The following DDO variants were observed in gnomAD, a reference collection of about 807,000 sequenced individuals.
DDO encodes D-aspartate oxidase, also known as D-aspartate oxidase, DDO.
DDO carries 16 observed loss-of-function variants against 16.8 expected under a neutral mutation model. That is an observed-to-expected ratio of 0.95 (90% CI 0.65 to 1.45). DDO has a LOEUF of 1.45. Ranked by LOEUF, DDO falls within the 40% of genes most tolerant of loss-of-function variation. The pLI is 0.00. For missense variants in DDO, 429 were observed against 420.3 expected (o/e 1.02, Z -0.18); for synonymous variants, 180 against 167.2 (o/e 1.08, Z -0.59).
chr6:110,405,997 T>A (rs548053797), intron 3 of DDO, among the ~76,000 whole-genome samples: 1 of 152,326 alleles, frequency 6.6e-6, no homozygotes, highest in South Asian at 2.1e-4. Context: ...TCGGAATATG[T>A]ATCTCTAGGT....
At chr6:110,398,313 G>T (rs947685533) in intron 4 of DDO, among the ~76,000 whole-genome samples, 1 of 151,930 alleles carries the variant, frequency 6.6e-6, no homozygotes, top group African/African-American at 2.4e-5. Context: ...GGGAGTTTCA[G>T]CAAGGAGGTA....
At chr6:110,403,932 A>G (rs1429951799) in intron 4 of DDO, among the ~76,000 whole-genome samples, 1 of 152,242 alleles carries the variant, frequency 6.6e-6, no homozygotes, top group East Asian at 1.9e-4. Flanking sequence ...AATTATATGA[A>G]TCAATTATCC....
intron 4 of DDO, among the ~76,000 whole-genome samples, chr6:110,402,323 T>A (rs189398586): frequency 5.0e-4 from 76 of 152,368 alleles, no homozygotes; most frequent in Admixed American, 3.9e-3. Flanking sequence ...ATTATACTAC[T>A]GTGTTTATGT....
At chr6:110,398,908 G>A (rs1192382135) in intron 4 of DDO, among the ~76,000 whole-genome samples, 1 of 152,180 alleles carries the variant, frequency 6.6e-6, no homozygotes, top group Admixed American at 6.5e-5. Context: ...AGATCAACGT[G>A]TCCATGTTAC....
At chr6:110,408,071 A>C (rs1773717063) in intron 3 of DDO, among the ~76,000 whole-genome samples, 2 of 152,128 alleles carry the variant, frequency 1.3e-5, no homozygotes, top group African/African-American at 4.8e-5. Context: ...TTTGCAAATC[A>C]CTGCATGGTC....
intron 4 of DDO, among the ~76,000 whole-genome samples, chr6:110,398,982 G>A (rs1393192778): frequency 6.6e-6 from 1 of 152,194 alleles, no homozygotes; most frequent in African/African-American, 2.4e-5. Context: ...GACAATCCTG[G>A]TCCCTCTGGG....
At chr6:110,405,980 TCCC>T (rs1773641044) in intron 3 of DDO, among the ~76,000 whole-genome samples, 1 of 152,040 alleles carries the variant, frequency 6.6e-6, no homozygotes, top group Non-Finnish European at 1.5e-5. Context: ...TGCTAATAAT[TCCC>T]CCATCGGAAT....
intron 3 of DDO, among the ~76,000 whole-genome samples, chr6:110,406,441 C>T (rs1028158279): frequency 1.3e-5 from 2 of 152,176 alleles, no homozygotes; most frequent in African/African-American, 4.8e-5. Context: ...ACTGACAAGT[C>T]CTATCAAATC....
chr6:110,403,669 C>A (rs538761716), intron 4 of DDO, among the ~76,000 whole-genome samples: 9 of 152,308 alleles, frequency 5.9e-5, no homozygotes, highest in African/African-American at 1.7e-4. Flanking sequence ...GATTACGATG[C>A]CACTGACATG....
At chr6:110,393,983 A>G (rs1773204712) in intron 4 of DDO, among the ~76,000 whole-genome samples, 1 of 152,254 alleles carries the variant, frequency 6.6e-6, no homozygotes, top group Non-Finnish European at 1.5e-5. Flanking sequence ...AATCAAGGTA[A>G]AATACACTTA....
downstream of DDO, among the ~76,000 whole-genome samples, chr6:110,388,473 C>G (rs1773051074): frequency 6.6e-6 from 1 of 152,090 alleles, no homozygotes; most frequent in East Asian, 1.9e-4. Flanking sequence ...AAAACCGGTT[C>G]AAATATCAGT....
chr6:110,391,087 C>T (rs887480903), downstream of DDO, among the ~76,000 whole-genome samples: 3 of 152,232 alleles, frequency 2.0e-5, no homozygotes, highest in Non-Finnish European at 4.4e-5. Flanking sequence ...AATGTTAATA[C>T]TGCAAGGAAT....
chr6:110,398,416 ACACAC>A lies in DDO; in HGVS notation c.459-5079_459-5075del, dbSNP rs1562260033. Among the ~76,000 whole-genome samples the A allele has an allele frequency of 4.8e-3, 672 of 140,586 alleles. 12 individuals carry two copies. Among genetic ancestry groups the A allele is most frequent in the African/African-American group, 0.02 (611 of 31,198 alleles). The allele number at this position is 140,586 out of a possible 152,430, so 92.2% of individuals were successfully genotyped here. ...CACACACACACACACACACACACAC[ACACAC>A]ACACACTTGGCCTCCCAGGAGCAGA... On this transcript the variant is annotated intron_variant, in intron 4 of 4. Transcript: ENST00000368924.
intron 3 of DDO, 147 bp from the exon 4 acceptor site, chr6:110,405,097 C>T (rs1773605097): frequency 1.3e-6 from 1 of 788,938 alleles, no homozygotes; most frequent in Non-Finnish European, 2.0e-6. Context: ...AGTGCAGTGG[C>T]ACAATCATGG....
At chr6:110,391,193 C>T (rs1773091918), downstream of DDO, among the ~76,000 whole-genome samples, 1 of 152,198 alleles carries the variant, frequency 6.6e-6, no homozygotes. Context: ...TGAATGAACG[C>T]AACAGTAAAG....
chr6:110,408,214 C>T (rs1773722403), intron 3 of DDO, 120 bp downstream of exon 3: 1 of 855,100 alleles, frequency 1.2e-6, no homozygotes, highest in Non-Finnish European at 1.8e-6. Context: ...TTTCCGAATC[C>T]TCCTGCATCT....
In DDO at chr6:110,404,928, G is replaced by T; in HGVS notation, c.304C>A (p.Pro102Thr). Residue 102 changes from proline (P) to threonine (T), a missense_variant, in exon 4 of 5, where the codon CCG becomes ACG. By Grantham distance (38) the Pro-to-Thr change is conservative. Coordinates refer to ENST00000368924, the MANE Select transcript of DDO (RefSeq NM_001372108.2). Reference protein sequence around the residue: ...VSGWQIFQSTPTEEVPFWADV... With the variant: ...VSGWQIFQSTTTEEVPFWADV... ...GCCCAGAATGGCACTTCTTCAGTCG[G>T]AGTGCTCTGAAATATCTGCCAACTC... 3 of 1,614,188 alleles carry T rather than the reference G, an allele frequency of 1.9e-6. No homozygotes were observed. The highest frequency in any genetic ancestry group is 2.5e-6 in the Non-Finnish European group (3 of 1,180,034).
At chr6:110,413,141 T>C in intron 2 of DDO, 150 bp downstream of exon 2, 1 of 948,428 alleles carries the variant, frequency 1.1e-6, no homozygotes, top group Non-Finnish European at 1.5e-6. Flanking sequence ...AGACCCTGTC[T>C]CAAAAAAAGA....
chr6:110,407,280 T>G (rs966970202), intron 3 of DDO, among the ~76,000 whole-genome samples: 8 of 152,160 alleles, frequency 5.3e-5, no homozygotes, highest in African/African-American at 1.9e-4. Context: ...AGAAAATGTT[T>G]TTTCTACTTG....
Sources: allele counts gnomAD v4.1 joint callset (sites outside exome capture counted in the v4.1 genomes callset), GRCh38; gene constraint gnomAD v4.1.1; transcripts MANE v1.5; gene names NCBI Gene and HGNC (gene_info 2026-07-23, HGNC 2026-07-21).